The following CADM2 variants were observed in gnomAD, a reference collection of about 807,000 sequenced individuals.
The protein encoded by CADM2 is immunoglobulin superfamily member 4D.
In CADM2, 12 loss-of-function variants were observed where a neutral mutation model predicts 49.8. The ratio of observed to expected loss-of-function variants is 0.24; its 90% CI spans 0.15 to 0.39. The LOEUF is 0.39. CADM2 is among the 10% of genes least tolerant of loss of function. The pLI is 1.00. For missense variants in CADM2, 378 were observed against 492.3 expected (o/e 0.77, Z 2.20); for synonymous variants, 214 against 175.4 (o/e 1.22, Z -1.74).
intron 1 of CADM2, among the ~76,000 whole-genome samples, chr3:85,636,842 T>C (rs1395587891): frequency 6.6e-6 from 1 of 152,206 alleles, no homozygotes; most frequent in South Asian, 2.1e-4. Context: ...CTATGAGCAA[T>C]AGACTTAAAA....
chr3:85,806,549 A>C (rs981574952), intron 3 of CADM2, among the ~76,000 whole-genome samples: 4 of 152,240 alleles, frequency 2.6e-5, no homozygotes, highest in African/African-American at 9.6e-5. Flanking sequence ...CAAGTAAAGG[A>C]GAATTAGGCT....
At chr3:85,276,270 G>A (rs1431831784) in intron 1 of CADM2, among the ~76,000 whole-genome samples, 3 of 151,130 alleles carry the variant, frequency 2.0e-5, no homozygotes, top group African/African-American at 7.3e-5. Flanking sequence ...ATTTCCATAT[G>A]ATGTTATATA....
chr3:85,212,897 T>TCTCTCTCTCTCTCTCTCTCTCTCTC (rs2041834022), intron 1 of CADM2, among the ~76,000 whole-genome samples: 3 of 145,052 alleles, frequency 2.1e-5, no homozygotes, highest in Admixed American at 1.4e-4. Context: ...TCTTTCTTTC[T>TCTCTCTCTCTCTCTCTCTCTCTCTC]TTTAATGGAG....
intron 1 of CADM2, among the ~76,000 whole-genome samples, chr3:84,981,876 G>A (rs1218594366): frequency 3.3e-5 from 5 of 152,098 alleles, no homozygotes; most frequent in Admixed American, 6.6e-5. Context: ...CAAAGTCTAC[G>A]GGGTGATCAT....
intron 1 of CADM2, among the ~76,000 whole-genome samples, chr3:85,699,968 A>G (rs1374930855): frequency 6.6e-6 from 1 of 152,176 alleles, no homozygotes. Flanking sequence ...CATTTGACCC[A>G]GCAATCCCAT....
At chr3:85,996,625 A>T (rs1729456787) in intron 8 of CADM2, among the ~76,000 whole-genome samples, 1 of 152,160 alleles carries the variant, frequency 6.6e-6, no homozygotes, top group African/African-American at 2.4e-5. Context: ...ATATTATTTT[A>T]ATAATACATA....
At chr3:85,766,375 C>G (rs565735099) in intron 2 of CADM2, among the ~76,000 whole-genome samples, 4 of 152,234 alleles carry the variant, frequency 2.6e-5, no homozygotes, top group African/African-American at 9.6e-5. Context: ...AGGATTGTCC[C>G]TGGCAAACTG....
chr3:85,640,918 G>A (rs2064690933), intron 1 of CADM2, among the ~76,000 whole-genome samples: 1 of 152,104 alleles, frequency 6.6e-6, no homozygotes, highest in Non-Finnish European at 1.5e-5. Context: ...TCAGAAAGTG[G>A]ATTTCTACCA....
chr3:85,144,649 A>G (rs1382818311), intron 1 of CADM2, among the ~76,000 whole-genome samples: 13 of 151,878 alleles, frequency 8.6e-5, no homozygotes, highest in Admixed American at 6.6e-4. Flanking sequence ...AGAAAGAACA[A>G]GATTTGTCAG....
intron 2 of CADM2, among the ~76,000 whole-genome samples, chr3:85,730,479 T>TAAA: frequency 7.0e-6 from 1 of 143,846 alleles, no homozygotes. Flanking sequence ...TAAAATAAAA[T>TAAA]ATAAAAAATC....
chr3:85,798,248 G>A (rs537201103), intron 2 of CADM2, among the ~76,000 whole-genome samples: 10 of 152,028 alleles, frequency 6.6e-5, no homozygotes, highest in East Asian at 3.8e-4. Context: ...AGTTTCTTTC[G>A]CTGTGTAGAA....
chr3:84,959,523 C>G lies in CADM2; in HGVS notation c.-85C>G. On this transcript the variant is annotated 5_prime_UTR_variant, in exon 1 of 10. Coordinates refer to ENST00000383699, the MANE Select transcript of CADM2 (RefSeq NM_001167675.2). ...TCCGGCGGGCGCCGGGAGGAGGACA[C>G]CAGCGGAGCCCTGCACTCTCGTGCC... The G allele has an allele frequency of 7.5e-7, 1 of 1,332,162 alleles. No individual in the cohort carries two copies. The highest frequency in any genetic ancestry group is 2.5e-5 in the East Asian group (1 of 39,232). The allele number at this position is 1,332,162 out of a possible 1,614,324, so 82.5% of individuals were successfully genotyped here. A position where few individuals can be genotyped will look rare whatever the true frequency, so the allele number is the denominator to read the frequency against.
chr3:85,086,362 T>G (rs1315721967), intron 1 of CADM2, among the ~76,000 whole-genome samples: 2 of 151,834 alleles, frequency 1.3e-5, no homozygotes, highest in African/African-American at 4.8e-5. Context: ...ATTCCATGCC[T>G]CTCCCTGTCT....
chr3:85,097,328 T>C (rs533251615), intron 1 of CADM2, among the ~76,000 whole-genome samples: 1 of 152,100 alleles, frequency 6.6e-6, no homozygotes, highest in Non-Finnish European at 1.5e-5. Context: ...AGGACATGAA[T>C]TCTTCATTTT....
chr3:85,701,879 AGAT>A, intron 1 of CADM2, among the ~76,000 whole-genome samples: 1 of 150,208 alleles, frequency 6.7e-6, no homozygotes, highest in African/African-American at 2.4e-5. Context: ...ATAGATAGAT[AGAT>A]AGATAGATAG....
intron 3 of CADM2, among the ~76,000 whole-genome samples, chr3:85,845,867 G>A (rs1404444070): frequency 1.3e-5 from 2 of 152,102 alleles, no homozygotes; most frequent in Non-Finnish European, 2.9e-5. Context: ...TTTCTTCAGG[G>A]AAGCTTTGGT....
chr3:85,526,854 C>G (rs2061169174), intron 1 of CADM2, among the ~76,000 whole-genome samples: 1 of 152,202 alleles, frequency 6.6e-6, no homozygotes, highest in East Asian at 1.9e-4. Flanking sequence ...GCTAAGGGAA[C>G]TGAATATCCA....
intron 1 of CADM2, among the ~76,000 whole-genome samples, 197 bp from the exon 2 acceptor site, chr3:85,726,325 T>G (rs1297467553): frequency 6.6e-6 from 1 of 152,070 alleles, no homozygotes; most frequent in East Asian, 1.9e-4. Context: ...GCTCTTACTT[T>G]GTCTTACTCA....
At chr3:85,488,744 A>T (rs1264138611) in intron 1 of CADM2, among the ~76,000 whole-genome samples, 1 of 151,798 alleles carries the variant, frequency 6.6e-6, no homozygotes, top group Non-Finnish European at 1.5e-5. Flanking sequence ...GTTGGCCAAG[A>T]TAGTCTTATC....
Sources: allele counts gnomAD v4.1 joint callset (sites outside exome capture counted in the v4.1 genomes callset), GRCh38; gene constraint gnomAD v4.1.1; transcripts MANE v1.5; gene names NCBI Gene and HGNC (gene_info 2026-07-23, HGNC 2026-07-21).